F10: variants seen among roughly 807,000 people sequenced by gnomAD.
The protein encoded by F10 is Stuart-Prower factor.
Under a neutral mutation model 37.1 loss-of-function variants are expected in F10, and 29 were observed. The ratio of observed to expected loss-of-function variants is 0.78; its 90% confidence interval spans 0.58 to 1.07. The LOEUF is 1.07. Among genes scored for constraint, F10 ranks in the 50% least tolerant of loss-of-function variants. The probability of loss-of-function intolerance (pLI) is 0.00; values close to 1 mark genes in which losing one functional copy is unlikely to be tolerated. For missense variants in F10, 539 were observed against 667.9 expected, an observed-to-expected ratio of 0.81 and a Z score of 2.13; for synonymous variants, 262 against 268.6, an observed-to-expected ratio of 0.98 and a Z score of 0.24.
Position 113,143,795 on chromosome 13 carries a change from A to G in F10, c.503-56A>G. On this transcript the variant is annotated intron_variant, in intron 5 of 7. Coordinates refer to ENST00000375559, the MANE Select transcript of F10 (RefSeq NM_000504.4). This position sits in a 1 kb window ranked among gnomAD's most constrained non-coding sequence, Gnocchi z 6.8. ...TCTTCTCCCTCAGGGTGAGCTGTGC[A>G]GGCTATGGGGAGCCTCTCTCTGTGC... 1 of 1,603,666 alleles carries G rather than the reference A, an allele frequency of 6.2e-7. No homozygotes were observed. Among genetic ancestry groups the G allele is most frequent in the Non-Finnish European group, 8.5e-7 (1 of 1,179,690 alleles).
At chr13:113,135,270 A>AAG (rs2036468473) in intron 2 of F10, among the ~76,000 whole-genome samples, 2 of 152,116 alleles carry the variant, frequency 1.3e-5, no homozygotes, top group Admixed American at 6.5e-5. Context: ...AAAGAAAAGA[A>AAG]AGAATTGTCT....
chr13:113,148,363 T>TATATAC (rs56165023), intron 7 of F10, among the ~76,000 whole-genome samples: 4,418 of 109,872 alleles, frequency 0.04, 197 homozygotes, highest in East Asian at 0.18. Flanking sequence ...TATATATATA[T>TATATAC]GTATATATAT....
intron 4 of F10, among the ~76,000 whole-genome samples, chr13:113,140,127 G>A (rs552962421): frequency 4.5e-4 from 66 of 146,638 alleles, no homozygotes; most frequent in African/African-American, 1.6e-3. Context: ...AGGCTAGAGT[G>A]CAGTGGCACG....
chr13:113,140,324 G>A (rs541762376), intron 4 of F10, among the ~76,000 whole-genome samples: 3 of 151,844 alleles, frequency 2.0e-5, no homozygotes, highest in South Asian at 2.1e-4. Flanking sequence ...CTGGTGATCC[G>A]CCCGCTTCGA....
chr13:113,141,966 C>T lies in F10; in HGVS notation c.502+916C>T, dbSNP rs2036532492. Among the ~76,000 whole-genome samples the T allele has an allele frequency of 6.6e-6, 1 of 152,248 alleles. No homozygotes were observed. Among genetic ancestry groups the T allele is most frequent in the Non-Finnish European group, 1.5e-5 (1 of 68,044 alleles). ...GACTGTCCCCTCCAGACACAGGTTA[C>T]TCCCGAGTGTTCTGTCACTCTTCCT... On this transcript the variant is annotated intron_variant, in intron 5 of 7. Transcript: ENST00000375559. This position sits in a 1 kb window ranked among gnomAD's most constrained non-coding sequence, Gnocchi z 5.4.
rs566300775 is a variant in F10 at position 113,144,016 on chromosome 13, C to T, written c.668C>T (p.Thr223Met). 48 of 1,613,572 alleles carry T rather than the reference C, an allele frequency of 3.0e-5. No individual in the cohort carries two copies. The Middle Eastern group carries it at 4.9e-4, about 17-fold the overall frequency. Residue 223 changes from threonine (T) to methionine (M), a missense_variant, in exon 6 of 8, where the codon ACG becomes ATG. Physicochemically the swap from Thr to Met is moderately conservative, Grantham distance 81 (BLOSUM62 -1). Transcript: ENST00000375559. This position sits in a 1 kb window ranked among gnomAD's most constrained non-coding sequence, Gnocchi z 6.4. Reference sequence around the variant, plus strand: ...TTCGACCTGCTTGACTTCAACCAGACGCAGCCTGAGAGGGGCGACAACAAC... The same window carrying T: ...TTCGACCTGCTTGACTTCAACCAGATGCAGCCTGAGAGGGGCGACAACAAC... The part of the protein sequence containing the change: ...NPFDLLDFNQ[T>M]QPERGDNNLT...
At chr13:113,126,762 C>A (rs1418703379) in intron 1 of F10, among the ~76,000 whole-genome samples, 1 of 152,206 alleles carries the variant, frequency 6.6e-6, no homozygotes, top group South Asian at 2.1e-4. Context: ...GCCCGCGAGT[C>A]CCAGTTTGGG....
intron 2 of F10, chr13:113,130,262 TAGG>T (rs1311208566): frequency 6.3e-6 from 1 of 158,176 alleles, no homozygotes; most frequent in Non-Finnish European, 1.4e-5. Context: ...GCCTGCGCAG[TAGG>T]AGGAGAGCAA....
intron 4 of F10, chr13:113,140,686 G>GGCAGGT: frequency 2.9e-6 from 2 of 694,872 alleles, no homozygotes; most frequent in South Asian, 3.0e-5. Context: ...AGGTGTGAGG[G>GGCAGGT]GCAGGTACCT....
intron 1 of F10, 113 bp from the exon 2 acceptor site, chr13:113,129,339 C>A: frequency 7.4e-7 from 1 of 1,358,794 alleles, no homozygotes; most frequent in Non-Finnish European, 1.0e-6. Flanking sequence ...AGAGAGTGAT[C>A]CGCCTTTTGT....
chr13:113,138,509 A>C, intron 3 of F10, 28 bp downstream of exon 3: 5 of 1,356,360 alleles, frequency 3.7e-6, no homozygotes, highest in Non-Finnish European at 5.3e-6. Context: ...TTTAACCTTC[A>C]GTGAGAGGGG....
rs961507283 is a variant in F10 at position 113,148,553 on chromosome 13, A to C, written c.866-363A>C. Among the ~76,000 whole-genome samples the C allele has an allele frequency of 2.0e-5, 3 of 152,060 alleles. 1 individual carries two copies. The highest frequency in any genetic ancestry group is 1.3e-4 in the Admixed American group (2 of 15,262). On this transcript the variant is annotated intron_variant, in intron 7 of 7. Transcript: ENST00000375559. The stretch of plus-strand genomic sequence containing the variant: ...TCTATTTTACGTTCATGGCACAACT[A>C]TTTTACACTCTCAGCCAGCGGCCAC...
At chr13:113,148,380 A>ATATATG (rs1566922342) in intron 7 of F10, among the ~76,000 whole-genome samples, 1 of 41,730 alleles carries the variant, frequency 2.4e-5, no homozygotes, top group East Asian at 1.5e-3. Context: ...ATATATGTGT[A>ATATATG]TATATATATA....
Position 113,144,174 on chromosome 13 carries a change from C to G in F10, c.747+79C>G, listed in dbSNP as rs1035036521. 7.5e-6 allele frequency: 12 copies of G among 1,595,910 alleles called. No homozygotes were observed. Among genetic ancestry groups the G allele is most frequent in the Admixed American group, 6.7e-5 (4 of 59,864 alleles). On this transcript the variant is annotated intron_variant, in intron 6 of 7. Coordinates refer to ENST00000375559, the MANE Select transcript of F10 (RefSeq NM_000504.4). This position sits in a 1 kb window ranked among gnomAD's most constrained non-coding sequence, Gnocchi z 6.4. ...GCACCTCGGGGAGGCCAGCCTGACA[C>G]TTGGAATAGCAATCCGGGAAGGAAC...
At position 113,141,202 on chromosome 13, in the gene F10, G is replaced by A. The variant is rs867861470; in HGVS notation, c.502+152G>A. 16 of 1,096,482 alleles carry A rather than the reference G, an allele frequency of 1.5e-5. No individual in the cohort carries two copies. The East Asian group carries it at 1.6e-4, about 11-fold the overall frequency. The allele number at this position is 1,096,482 out of a possible 1,614,324, so 67.9% of individuals were successfully genotyped here. ...AGGACAGGACTGAGCCCTGGGCTCC[G>A]GGCCCAGGTGGTTCAAACATGAAGA... On this transcript the variant is annotated intron_variant, in intron 5 of 7. Transcript: ENST00000375559. The surrounding 1 kb of genome is among the most constrained non-coding windows in gnomAD (Gnocchi z 5.4).
intron 4 of F10, among the ~76,000 whole-genome samples, chr13:113,140,365 G>C (rs1224765975): frequency 6.6e-6 from 1 of 152,144 alleles, no homozygotes; most frequent in Non-Finnish European, 1.5e-5. Flanking sequence ...ACAGGCGTGA[G>C]GCACAGCGCC....
chr13:113,139,363 A>G lies in F10; in HGVS notation c.263A>G (p.Asp88Gly), dbSNP rs1387347949. Residue 88 changes from aspartate (D) to glycine (G), a missense_variant, in exon 4 of 8, where the codon GAC becomes GGC. Physicochemically the swap from Asp to Gly is moderately conservative, Grantham distance 94. Transcript: ENST00000375559. This position sits in a 1 kb window ranked among gnomAD's most constrained non-coding sequence, Gnocchi z 5.2. ...CGAAATCCTCTCTTTGCAGATGGCG[A>G]CCAGTGTGAGACCAGTCCTTGCCAG... ...NEFWNKYKDG[D>G]QCETSPCQNQ... The G allele has an allele frequency of 6.2e-7, 1 of 1,613,812 alleles. No homozygotes were observed. The highest frequency in any genetic ancestry group is 1.3e-5 in the African/African-American group (1 of 75,010).
At chr13:113,140,849 G>A in intron 4 of F10, 70 bp from the exon 5 acceptor site, 2 of 1,611,174 alleles carry the variant, frequency 1.2e-6, no homozygotes, top group Non-Finnish European at 1.7e-6. Flanking sequence ...GGATGTAGCT[G>A]GCACCCTTGG....
rs2036527652 is a variant in F10 at position 113,141,532 on chromosome 13, G to C, written c.502+482G>C. Among the ~76,000 whole-genome samples the C allele has an allele frequency of 1.3e-5, 2 of 152,210 alleles. No homozygotes were observed. Among genetic ancestry groups the C allele is most frequent in the African/African-American group, 2.4e-5 (1 of 41,450 alleles). Reference sequence around the variant, plus strand: ...TCAGGCTCTGAGCTCCTTTTACCAGGACCAGTGTTCATTGAACGTAGTTTT... The same window carrying C: ...TCAGGCTCTGAGCTCCTTTTACCAGCACCAGTGTTCATTGAACGTAGTTTT... On this transcript the variant is annotated intron_variant, in intron 5 of 7. Coordinates refer to ENST00000375559, the MANE Select transcript of F10 (RefSeq NM_000504.4). This position sits in a 1 kb window ranked among gnomAD's most constrained non-coding sequence, Gnocchi z 5.4.
Sources: gnomAD v4.1 joint callset for allele counts (sites outside exome capture counted in the v4.1 genomes callset) on GRCh38, gnomAD v4.1.1 for gene constraint, Gnocchi (gnomAD v3.1) non-coding constraint, MANE v1.5 for transcripts, NCBI Gene and HGNC (gene_info 2026-07-23, HGNC 2026-07-21) for gene names.